ZRANB3: variants seen among roughly 807,000 people sequenced by gnomAD.
ZRANB3 encodes zinc finger RANBP2-type containing 3, also known as DNA annealing helicase and endonuclease ZRANB3.
ZRANB3 carries 125 observed loss-of-function variants against 133.8 expected under a neutral mutation model. That is an observed-to-expected ratio of 0.93 (90% CI 0.81 to 1.08). The LOEUF is 1.08. Ranked by LOEUF, ZRANB3 falls within the 50% of genes least tolerant of loss-of-function variation. The probability of loss-of-function intolerance (pLI) is 0.00; values close to 1 mark genes in which losing one functional copy is unlikely to be tolerated. For missense variants in ZRANB3, 1,229 were observed against 1,275.5 expected, an observed-to-expected ratio of 0.96 and a Z score of 0.56; for synonymous variants, 387 against 432.7, an observed-to-expected ratio of 0.89 and a Z score of 1.31.
intron 6 of ZRANB3, among the ~76,000 whole-genome samples, chr2:135,319,056 C>A (rs1683392925): frequency 6.6e-6 from 1 of 152,132 alleles, no homozygotes; most frequent in Non-Finnish European, 1.5e-5. Context: ...GGGGTGTATA[C>A]AGAGTTGAGA....
chr2:135,472,945 T>G (rs1223425480), intron 2 of ZRANB3, among the ~76,000 whole-genome samples: 1 of 152,246 alleles, frequency 6.6e-6, no homozygotes, highest in Non-Finnish European at 1.5e-5. Context: ...TATGTGCTTT[T>G]GAAAATCAAA....
intron 4 of ZRANB3, among the ~76,000 whole-genome samples, chr2:135,351,908 C>G (rs751532685): frequency 6.6e-6 from 1 of 152,080 alleles, no homozygotes; most frequent in Non-Finnish European, 1.5e-5. Flanking sequence ...AAATACTATT[C>G]AAATAAAAAT....
At position 135,230,467 on chromosome 2, in the gene ZRANB3, C is replaced by T. The variant is rs748763881; in HGVS notation, c.1954+46G>A. 2.1e-6 allele frequency: 3 copies of T among 1,435,570 alleles called. No individual in the cohort carries two copies. The South Asian group carries it at 5.6e-5, about 27-fold the overall frequency. 88.9% of individuals were successfully genotyped at this position (1,435,570 alleles called of 1,614,324 possible). ...TCTAAAAGCACAGGTTATCTGAAGACACCACTAACAGCCCTTACCTCCATG... is the reference window on the plus strand; with the variant it reads ...TCTAAAAGCACAGGTTATCTGAAGATACCACTAACAGCCCTTACCTCCATG... On this transcript the variant is annotated intron_variant, in intron 13 of 20. Transcript: ENST00000264159.
intron 12 of ZRANB3, among the ~76,000 whole-genome samples, chr2:135,236,573 A>G (rs1185834171): frequency 6.6e-6 from 1 of 152,236 alleles, no homozygotes; most frequent in South Asian, 2.1e-4. Context: ...ACAGCATGGT[A>G]CTGGTACCAA....
intron 3 of ZRANB3, among the ~76,000 whole-genome samples, chr2:135,378,006 T>G (rs1686503545): frequency 6.6e-6 from 1 of 152,248 alleles, no homozygotes; most frequent in African/African-American, 2.4e-5. Context: ...AGATGCTTCC[T>G]GCCCTGGAAC....
intron 3 of ZRANB3, among the ~76,000 whole-genome samples, chr2:135,374,871 G>C (rs1422260592): frequency 1.3e-5 from 2 of 152,072 alleles, no homozygotes; most frequent in Non-Finnish European, 2.9e-5. Context: ...AACAAAAAAA[G>C]AAACGATTTA....
intron 1 of ZRANB3, among the ~76,000 whole-genome samples, chr2:135,521,611 C>T (rs1271715047): frequency 6.6e-6 from 1 of 152,108 alleles, no homozygotes; most frequent in African/African-American, 2.4e-5. Context: ...TGAATTTGTG[C>T]CATTGTAGCC....
At chr2:135,522,761 T>C (rs1028588666) in intron 1 of ZRANB3, among the ~76,000 whole-genome samples, 4 of 152,142 alleles carry the variant, frequency 2.6e-5, no homozygotes, top group African/African-American at 4.8e-5. Flanking sequence ...CAGTTTAGTA[T>C]AGCTAAAGAA....
chr2:135,304,194 G>A (rs1682574216), intron 8 of ZRANB3, among the ~76,000 whole-genome samples: 1 of 152,194 alleles, frequency 6.6e-6, no homozygotes, highest in Non-Finnish European at 1.5e-5. Flanking sequence ...TAGAGGAAGA[G>A]CATCAGTCTT....
chr2:135,342,343 C>T (rs1181215090), intron 6 of ZRANB3, among the ~76,000 whole-genome samples: 3 of 150,096 alleles, frequency 2.0e-5, no homozygotes, highest in African/African-American at 7.6e-5. Context: ...TGGCCGACAA[C>T]TGACTTTTTA....
At chr2:135,477,929 C>A (rs1691573020) in intron 2 of ZRANB3, among the ~76,000 whole-genome samples, 1 of 151,946 alleles carries the variant, frequency 6.6e-6, no homozygotes, top group Non-Finnish European at 1.5e-5. Flanking sequence ...GTGAAGGTTG[C>A]ATTGAGCCAT....
At position 135,318,212 on chromosome 2, in the gene ZRANB3, TTGTGTGTGTGTGTGTG is replaced by T. The variant is rs58455313; in HGVS notation, c.678-2698_678-2683del. Among the ~76,000 whole-genome samples the T allele has an allele frequency of 3.2e-3, 445 of 136,970 alleles. 3 individuals are homozygous for T. Among genetic ancestry groups the T allele is most frequent in the African/African-American group, 0.011 (395 of 37,148 alleles). The allele number at this position is 136,970 out of a possible 152,430, so 89.9% of individuals were successfully genotyped here. A position where few individuals can be genotyped will look rare whatever the true frequency, so the allele number is the denominator to read the frequency against. ...TTTCCTATGCTATTTACACACTATTTTGTGTGTGTGTGTGTGTGTGTGTGTGTGTGTGTGTGTGTGT... is the reference window on the plus strand; with the variant it reads ...TTTCCTATGCTATTTACACACTATTTTGTGTGTGTGTGTGTGTGTGTGTGT... On this transcript the variant is annotated intron_variant, in intron 6 of 20. Transcript: ENST00000264159.
intron 2 of ZRANB3, among the ~76,000 whole-genome samples, chr2:135,478,258 T>C (rs1342505157): frequency 2.0e-5 from 3 of 152,164 alleles, no homozygotes; most frequent in African/African-American, 7.2e-5. Context: ...AACTTGTTAC[T>C]GAAGTATTAA....
chr2:135,511,637 G>C, intron 1 of ZRANB3: 1 of 779,872 alleles, frequency 1.3e-6, no homozygotes, highest in East Asian at 2.4e-5. Flanking sequence ...CTCAAAGCCT[G>C]GTTGTTGTTA....
chr2:135,401,169 T>C (rs997484046), intron 2 of ZRANB3, among the ~76,000 whole-genome samples: 10 of 152,054 alleles, frequency 6.6e-5, no homozygotes, highest in South Asian at 4.1e-4. Context: ...ACCAGACACA[T>C]AGGGGTGCAT....
At chr2:135,474,707 T>G (rs2104784583) in intron 2 of ZRANB3, among the ~76,000 whole-genome samples, 1 of 152,268 alleles carries the variant, frequency 6.6e-6, no homozygotes, top group East Asian at 1.9e-4. Context: ...TTACCCAGCA[T>G]CAGATATTCA....
intron 3 of ZRANB3, among the ~76,000 whole-genome samples, chr2:135,386,063 G>A (rs972943322): frequency 6.6e-6 from 1 of 151,864 alleles, no homozygotes; most frequent in African/African-American, 2.4e-5. Context: ...GCAACATACA[G>A]AATGGGAGAA....
At chr2:135,298,198 A>T (rs1682246148) in intron 8 of ZRANB3, among the ~76,000 whole-genome samples, 1 of 152,180 alleles carries the variant, frequency 6.6e-6, no homozygotes, top group Non-Finnish European at 1.5e-5. Flanking sequence ...ACTGCACTCC[A>T]GCCTGGGTGA....
At chr2:135,496,075 T>C (rs1692647963) in intron 2 of ZRANB3, among the ~76,000 whole-genome samples, 1 of 152,112 alleles carries the variant, frequency 6.6e-6, no homozygotes, top group African/African-American at 2.4e-5. Flanking sequence ...TTTACTCATT[T>C]ACATCTCTCA....
Sources: allele counts gnomAD v4.1 joint callset (sites outside exome capture counted in the v4.1 genomes callset), GRCh38; gene constraint gnomAD v4.1.1; transcripts MANE v1.5; gene names NCBI Gene and HGNC (gene_info 2026-07-23, HGNC 2026-07-21).